The following PPP3CA variants were observed in gnomAD, a reference collection of about 807,000 sequenced individuals.
PPP3CA encodes the protein protein phosphatase 3 catalytic subunit alpha, also known as CAM-PRP catalytic subunit.
A neutral mutation model predicts 66.5 loss-of-function variants in PPP3CA; 14 were observed. That is an observed-to-expected ratio of 0.21 (90% CI 0.14 to 0.33). The LOEUF is 0.33. Among genes scored for constraint, PPP3CA ranks in the 10% least tolerant of loss-of-function variants. The probability of loss-of-function intolerance (pLI) is 1.00; values close to 1 mark genes in which losing one functional copy is unlikely to be tolerated. For synonymous variants in PPP3CA, 232 were observed against 226.2 expected (o/e 1.03, Z -0.23); for missense variants, 317 against 639.5 (o/e 0.50, Z 5.44).
At chr4:101,290,972 C>G (rs1291051918) in intron 1 of PPP3CA, among the ~76,000 whole-genome samples, 2 of 152,176 alleles carry the variant, frequency 1.3e-5, no homozygotes, top group Admixed American at 6.5e-5. Flanking sequence ...ACAGGCAAGG[C>G]TTGGAGCTAC....
At chr4:101,085,269 A>G (rs1415555527) in intron 6 of PPP3CA, among the ~76,000 whole-genome samples, 1 of 152,102 alleles carries the variant, frequency 6.6e-6, no homozygotes, top group Non-Finnish European at 1.5e-5. Context: ...TCTTGTTACC[A>G]CTGTCAGACA....
chr4:101,176,362 T>C (rs1167294125), intron 2 of PPP3CA, among the ~76,000 whole-genome samples: 3 of 152,178 alleles, frequency 2.0e-5, no homozygotes, highest in Admixed American at 2.0e-4. Flanking sequence ...AGTAAAGTCA[T>C]CACCTTCTCC....
intron 1 of PPP3CA, among the ~76,000 whole-genome samples, chr4:101,285,591 CTGTGTGTATGTGTGTGTGTG>C (rs1200965626): frequency 1.1e-4 from 14 of 131,862 alleles, no homozygotes; most frequent in African/African-American, 2.3e-4. Context: ...TCAAATGCCA[CTGTGTGTATGTGTGTGTGTG>C]TGTGTGTGTG....
chr4:101,223,848 A>G (rs1272456751), intron 1 of PPP3CA, among the ~76,000 whole-genome samples: 1 of 151,842 alleles, frequency 6.6e-6, no homozygotes, highest in Non-Finnish European at 1.5e-5. Context: ...AAAAATAGAG[A>G]AAATAAACTT....
chr4:101,142,002 G>C (rs1722823171), intron 2 of PPP3CA, among the ~76,000 whole-genome samples: 1 of 151,334 alleles, frequency 6.6e-6, no homozygotes, highest in Non-Finnish European at 1.5e-5. Flanking sequence ...ATAGGAAAAG[G>C]CACTCCAATC....
Position 101,195,824 on chromosome 4 carries a change from T to C in PPP3CA, c.259+92A>G, listed in dbSNP as rs1428948871. Reference sequence around the variant, plus strand: ...TAAAAGATTATGATGGGTAAGGTATTTGAAGACTCACTGGTAACTAGGACT... The same window carrying C: ...TAAAAGATTATGATGGGTAAGGTATCTGAAGACTCACTGGTAACTAGGACT... On this transcript the variant is annotated intron_variant, in intron 2 of 13. Coordinates refer to ENST00000394854, the MANE Select transcript of PPP3CA (RefSeq NM_000944.5). The C allele has an allele frequency of 3.7e-6, 4 of 1,078,926 alleles. No individual in the cohort carries two copies. The African/African-American group carries it at 6.4e-5, about 17-fold the overall frequency. 66.8% of individuals were successfully genotyped at this position (1,078,926 alleles called of 1,614,324 possible). A position where few individuals can be genotyped will look rare whatever the true frequency, so the allele number is the denominator to read the frequency against.
chr4:101,235,437 A>T lies in PPP3CA; in HGVS notation c.59-39321T>A, dbSNP rs1027335293. ...TCAGAACCTAAACATACACTCACAC[A>T]CACACACACACACACACAGAATGGA... On this transcript the variant is annotated intron_variant, in intron 1 of 13. Transcript: ENST00000394854. 4.7e-3 allele frequency among the ~76,000 whole-genome samples: 716 copies of T among 151,452 alleles called. 3 individuals carry two copies. The highest frequency in any genetic ancestry group is 8.2e-3 in the Non-Finnish European group (559 of 67,764).
chr4:101,163,931 G>T (rs1294846318), intron 2 of PPP3CA, among the ~76,000 whole-genome samples: 2 of 151,572 alleles, frequency 1.3e-5, no homozygotes, highest in Non-Finnish European at 2.9e-5. Flanking sequence ...CATGATCTCA[G>T]GTGGAAGTTG....
intron 2 of PPP3CA, among the ~76,000 whole-genome samples, chr4:101,122,247 A>T (rs1259536581): frequency 2.6e-5 from 4 of 152,248 alleles, no homozygotes. Context: ...ACCAAAGACC[A>T]GTGTGACTGA....
intron 2 of PPP3CA, among the ~76,000 whole-genome samples, chr4:101,159,027 C>A (rs1209215600): frequency 2.0e-5 from 3 of 152,246 alleles, no homozygotes; most frequent in Admixed American, 2.0e-4. Context: ...GGGGGTTTGG[C>A]TAATTTAATC....
At chr4:101,133,783 A>T (rs963896242) in intron 2 of PPP3CA, among the ~76,000 whole-genome samples, 1 of 152,142 alleles carries the variant, frequency 6.6e-6, no homozygotes, top group African/African-American at 2.4e-5. Flanking sequence ...AGCCCATATA[A>T]CCAAGACAAT....
At chr4:101,222,463 CAAT>C (rs1461101943) in intron 1 of PPP3CA, among the ~76,000 whole-genome samples, 3 of 151,504 alleles carry the variant, frequency 2.0e-5, no homozygotes, top group African/African-American at 7.3e-5. Flanking sequence ...TCCATAAATA[CAAT>C]AATACACAAA....
chr4:101,223,976 A>T (rs1444179622), intron 1 of PPP3CA, among the ~76,000 whole-genome samples: 2 of 151,810 alleles, frequency 1.3e-5, no homozygotes, highest in African/African-American at 2.4e-5. Flanking sequence ...GGGGAAAAAA[A>T]TTAAAGGGAA....
chr4:101,192,061 A>C (rs965755467), intron 2 of PPP3CA, among the ~76,000 whole-genome samples: 2 of 152,208 alleles, frequency 1.3e-5, no homozygotes, highest in African/African-American at 4.8e-5. Context: ...AATGAGTGGA[A>C]TGTTCTCTGC....
At chr4:101,245,218 T>A (rs1263958379) in intron 1 of PPP3CA, among the ~76,000 whole-genome samples, 1 of 152,144 alleles carries the variant, frequency 6.6e-6, no homozygotes, top group Non-Finnish European at 1.5e-5. Flanking sequence ...AGTCCTACCA[T>A]CCAACTGCAC....
chr4:101,271,963 C>T (rs768272463), intron 1 of PPP3CA, among the ~76,000 whole-genome samples: 5 of 152,068 alleles, frequency 3.3e-5, no homozygotes, highest in Admixed American at 2.0e-4. Context: ...CTTAGTCATT[C>T]GTAATCATTA....
intron 3 of PPP3CA, 55 bp downstream of exon 3, chr4:101,108,899 T>C: frequency 6.5e-7 from 1 of 1,542,210 alleles, no homozygotes; most frequent in East Asian, 2.3e-5. Context: ...TTTTATTTTT[T>C]TGAGATACTG....
At chr4:101,082,997 C>T (rs111377582) in intron 7 of PPP3CA, among the ~76,000 whole-genome samples, 189 bp downstream of exon 7, 3,549 of 152,184 alleles carry the variant, frequency 0.023, 63 homozygotes, top group Middle Eastern at 0.088. Context: ...GGAGACTGTA[C>T]GATACATCTG....
At chr4:101,093,650 G>T in intron 6 of PPP3CA, 126 bp downstream of exon 6, 1 of 946,658 alleles carries the variant, frequency 1.1e-6, no homozygotes, top group Non-Finnish European at 1.5e-6. Context: ...TTTTATAAAT[G>T]CTAGTGAGCC....
Sources: gnomAD v4.1 joint callset for allele counts (sites outside exome capture counted in the v4.1 genomes callset) on GRCh38, gnomAD v4.1.1 for gene constraint, MANE v1.5 for transcripts, NCBI Gene and HGNC (gene_info 2026-07-23, HGNC 2026-07-21) for gene names.